Variants in CST7 observed in about 807,000 individuals in gnomAD.
CST7 encodes the protein cystatin F, also known as cystatin-F.
In CST7, 15 loss-of-function variants were observed where a neutral mutation model predicts 13.1. The observed-to-expected ratio is 1.14, with a 90% CI of 0.77 to 1.76. The LOEUF (loss-of-function observed/expected upper bound fraction) is 1.76, where lower values mean the gene tolerates loss of function less well. Among genes scored for constraint, CST7 ranks in the 40% most tolerant of loss-of-function variants. The pLI is 0.00. For synonymous variants in CST7, 75 were observed against 66.9 expected, an observed-to-expected ratio of 1.12 and a Z score of -0.59; for missense variants, 193 against 178.8, an observed-to-expected ratio of 1.08 and a Z score of -0.45.
intron 2 of CST7, 68 bp from the exon 3 acceptor site, chr20:24,958,860 G>C (rs2087875993): frequency 8.4e-7 from 1 of 1,184,158 alleles, no homozygotes; most frequent in East Asian, 2.4e-5. Flanking sequence ...TTGAGGCCCT[G>C]CTTCCTAGTG....
intron 1 of CST7, 140 bp from the exon 2 acceptor site, chr20:24,957,147 G>T (rs1291613996): frequency 1.4e-5 from 12 of 839,248 alleles, no homozygotes; most frequent in South Asian, 8.2e-5. Context: ...GTAGGTAAGA[G>T]GGGGAGCAGG....
rs1166597729 is a variant in CST7 at position 24,949,575 on chromosome 20, G to C, written c.70G>C (p.Asp24His). ...VLSTTGGPSPDTCSQDLNSRV... is the reference protein window; with the variant it reads ...VLSTTGGPSPHTCSQDLNSRV... Reference sequence around the variant, plus strand: ...GAGCACCACTGGGGGCCCTTCCCCAGGTAAGTGGCGTTCTCCCCTGTCCGC... The same window carrying C: ...GAGCACCACTGGGGGCCCTTCCCCACGTAAGTGGCGTTCTCCCCTGTCCGC... The change falls in exon 1 of 4, where the codon GAT (aspartate) becomes CAT (histidine). Residue 24 changes from aspartate (D) to histidine (H), a missense_variant and splice_region_variant. Coordinates refer to ENST00000480798, the MANE Select transcript of CST7 (RefSeq NM_003650.4). 6.2e-7 allele frequency: 1 copy of C among 1,614,048 alleles called. No homozygotes were observed. Among genetic ancestry groups the C allele is most frequent in the African/African-American group, 1.3e-5 (1 of 75,074 alleles).
Position 24,959,762 on chromosome 20 carries a change from G to T in CST7, c.*50G>T, listed in dbSNP as rs761277730. ...AGCCATGACAAACACCAGGATGCAT[G>T]CTCCTTGTCCCCTCCCACCCGCCTC... On this transcript the variant is annotated 3_prime_UTR_variant, in exon 4 of 4. Transcript: ENST00000480798. 2.6e-6 allele frequency: 4 copies of T among 1,558,144 alleles called. No individual in the cohort carries two copies. Among genetic ancestry groups the T allele is most frequent in the Non-Finnish European group, 3.5e-6 (4 of 1,129,290 alleles).
In CST7 at chr20:24,959,767, T is replaced by C. The variant is rs2087884376; in HGVS notation, c.*55T>C. ...TGACAAACACCAGGATGCATGCTCC[T>C]TGTCCCCTCCCACCCGCCTCATGAC... On this transcript the variant is annotated 3_prime_UTR_variant, in exon 4 of 4. Coordinates refer to ENST00000480798, the MANE Select transcript of CST7 (RefSeq NM_003650.4). 5 of 1,555,368 alleles carry C rather than the reference T, an allele frequency of 3.2e-6. No individual in the cohort carries two copies. The Admixed American group carries it at 8.3e-5, about 26-fold the overall frequency.
Position 24,949,655 on chromosome 20 carries a change from G to C in CST7, c.70+80G>C, listed in dbSNP as rs897246904. 10 of 1,568,432 alleles carry C rather than the reference G, an allele frequency of 6.4e-6. No individual in the cohort carries two copies. In the African/African-American group the frequency reaches 1.4e-4, roughly 21 times the overall value. The stretch of plus-strand genomic sequence containing the variant: ...ACTGGTGCCTTGGGTCTTCCCCAGG[G>C]CACTTTCCTAGCTTGGAGCCCCCAC... On this transcript the variant is annotated intron_variant, in intron 1 of 3. Transcript: ENST00000480798.
At chr20:24,959,185 C>T in intron 3 of CST7, 141 bp downstream of exon 3, 1 of 687,826 alleles carries the variant, frequency 1.5e-6, no homozygotes, top group Non-Finnish European at 2.5e-6. Context: ...TCCCAGACTC[C>T]CGCACGACTG....
intron 1 of CST7, among the ~76,000 whole-genome samples, chr20:24,956,258 C>A (rs750503938): frequency 2.6e-5 from 4 of 152,198 alleles, no homozygotes; most frequent in African/African-American, 7.2e-5. Context: ...GCAGACCTCA[C>A]ACAGCAGTGG....
chr20:24,950,470 C>T (rs2087812155), intron 1 of CST7, among the ~76,000 whole-genome samples: 1 of 152,204 alleles, frequency 6.6e-6, no homozygotes, highest in African/African-American at 2.4e-5. Context: ...ATACTGAGGA[C>T]TCAGTGATGC....
chr20:24,959,289 G>A (rs1208000801), intron 3 of CST7, among the ~76,000 whole-genome samples: 4 of 152,144 alleles, frequency 2.6e-5, no homozygotes, highest in South Asian at 2.1e-4. Flanking sequence ...CTGGAAGAGC[G>A]TCCTGGGGTG....
intron 1 of CST7, among the ~76,000 whole-genome samples, chr20:24,954,289 G>T (rs2087839875): frequency 6.6e-6 from 1 of 152,158 alleles, no homozygotes; most frequent in Admixed American, 6.5e-5. Context: ...AGCATCGCAG[G>T]GCCCTCCAGA....
Position 24,957,408 on chromosome 20 carries a change from GA to G in CST7, c.194del (p.Asn65ThrfsTer15). ...YSVEKFNNCT[N>X]DMFLFKESRI... ...GTGTTGAAAAGTTCAACAACTGCAC[GA>G]ACGACATGTTCTTGTTCAAGGAGTC... On this transcript the variant is annotated frameshift_variant, in exon 2 of 4. Coordinates refer to ENST00000480798, the MANE Select transcript of CST7 (RefSeq NM_003650.4). LOFTEE classifies it high-confidence loss of function. 1 of 1,613,724 alleles carries G rather than the reference GA, an allele frequency of 6.2e-7. No homozygotes were observed. Among genetic ancestry groups the G allele is most frequent in the Middle Eastern group, 1.7e-4 (1 of 6,058 alleles).
chr20:24,954,790 C>G (rs958728678), intron 1 of CST7, among the ~76,000 whole-genome samples: 2 of 152,124 alleles, frequency 1.3e-5, no homozygotes, highest in African/African-American at 2.4e-5. Flanking sequence ...TCAGCGTAAA[C>G]TGAGTTTCAC....
At chr20:24,957,241 G>T in intron 1 of CST7, 46 bp from the exon 2 acceptor site, 1 of 1,583,584 alleles carries the variant, frequency 6.3e-7, no homozygotes, top group Non-Finnish European at 8.6e-7. Flanking sequence ...TGGACTGAAG[G>T]CCCCACTAAC....
At chr20:24,953,477 A>G (rs1237377562) in intron 1 of CST7, among the ~76,000 whole-genome samples, 1 of 152,076 alleles carries the variant, frequency 6.6e-6, no homozygotes, top group Non-Finnish European at 1.5e-5. Context: ...GCCTGATTCA[A>G]GCTTAATTAT....
intron 1 of CST7, among the ~76,000 whole-genome samples, chr20:24,956,459 T>C (rs920629366): frequency 2.0e-5 from 3 of 152,174 alleles, no homozygotes; most frequent in South Asian, 4.1e-4. Flanking sequence ...CAGGCACAGA[T>C]ACTAGGGGAC....
chr20:24,957,036 T>TGGGTGGACAGGC (rs1568806076), intron 1 of CST7, among the ~76,000 whole-genome samples: 4 of 1,858 alleles, frequency 2.2e-3, no homozygotes, highest in African/African-American at 2.8e-3. Context: ...GGGGAGCAGG[T>TGGGTGGACAGGC]GAGAGGGGGC....
In CST7 at chr20:24,949,595, G is replaced by C. The variant is rs2087807568; in HGVS notation, c.70+20G>C. Reference sequence around the variant, plus strand: ...CCCCAGGTAAGTGGCGTTCTCCCCTGTCCGCTCCCCGGGGGTCTCTCCCTG... The same window carrying C: ...CCCCAGGTAAGTGGCGTTCTCCCCTCTCCGCTCCCCGGGGGTCTCTCCCTG... On this transcript the variant is annotated intron_variant, in intron 1 of 3. Coordinates refer to ENST00000480798, the MANE Select transcript of CST7 (RefSeq NM_003650.4). The C allele has an allele frequency of 6.2e-7, 1 of 1,613,590 alleles. No individual in the cohort carries two copies. Among genetic ancestry groups the C allele is most frequent in the Non-Finnish European group, 8.5e-7 (1 of 1,179,812 alleles).
Position 24,959,778 on chromosome 20 carries a change from C to T in CST7, c.*66C>T, listed in dbSNP as rs2087884459. 6 of 1,501,864 alleles carry T rather than the reference C, an allele frequency of 4.0e-6. No individual in the cohort carries two copies. In the South Asian group the frequency reaches 5.6e-5, roughly 14 times the overall value. 93.0% of individuals were successfully genotyped at this position (1,501,864 alleles called of 1,614,324 possible). On this transcript the variant is annotated 3_prime_UTR_variant, in exon 4 of 4. Transcript: ENST00000480798. ...AGGATGCATGCTCCTTGTCCCCTCC[C>T]ACCCGCCTCATGACCCAGCCTCACA... is the stretch of plus-strand genomic sequence containing the variant.
chr20:24,954,080 C>G (rs2122448818), intron 1 of CST7, among the ~76,000 whole-genome samples: 1 of 152,280 alleles, frequency 6.6e-6, no homozygotes, highest in East Asian at 1.9e-4. Flanking sequence ...CAGGCCTGCT[C>G]TGCCTCCCCA....
Sources: allele counts gnomAD v4.1 joint callset (sites outside exome capture counted in the v4.1 genomes callset), GRCh38; gene constraint gnomAD v4.1.1; transcripts MANE v1.5; gene names NCBI Gene and HGNC (gene_info 2026-07-23, HGNC 2026-07-21).